TNNT3: variants seen among roughly 807,000 people sequenced by gnomAD.
The protein encoded by TNNT3 is troponin T3, fast skeletal type.
Under a neutral mutation model 54.2 loss-of-function variants are expected in TNNT3, and 36 were observed. The observed-to-expected ratio is 0.66, with a 90% CI of 0.51 to 0.88. The LOEUF (loss-of-function observed/expected upper bound fraction) is 0.88. Among genes scored for constraint, TNNT3 ranks in the 40% least tolerant of loss-of-function variants. The probability of loss-of-function intolerance (pLI) is 0.00; values close to 1 mark genes in which losing one functional copy is unlikely to be tolerated. For synonymous variants in TNNT3, 120 were observed against 109.7 expected, an observed-to-expected ratio of 1.09 and a Z score of -0.59; for missense variants, 291 against 331.6, an observed-to-expected ratio of 0.88 and a Z score of 0.95.
At chr11:1,938,363 C>T (rs900847309) in intron 15 of TNNT3, 75 bp from the exon 16 acceptor site, 23 of 1,536,548 alleles carry the variant, frequency 1.5e-5, no homozygotes, top group East Asian at 4.5e-5. Flanking sequence ...GCTGAGAGTC[C>T]GCCCAGGGTG....
chr11:1,929,024 G>T (rs777389255), intron 6 of TNNT3, 96 bp from the exon 7 acceptor site: 3 of 1,408,334 alleles, frequency 2.1e-6, no homozygotes, highest in Non-Finnish European at 3.0e-6. Context: ...AGAGGGGTGG[G>T]CCCCTTGCCC....
intron 7 of TNNT3, 140 bp from the exon 8 acceptor site, chr11:1,929,670 G>A (rs970961115): frequency 7.7e-6 from 7 of 904,910 alleles, no homozygotes; most frequent in Non-Finnish European, 1.2e-5. Flanking sequence ...TGGGGGTTGG[G>A]GGTACTCCCA....
At chr11:1,936,103 C>G in intron 14 of TNNT3, 1 of 1,235,312 alleles carries the variant, frequency 8.1e-7, no homozygotes, top group East Asian at 2.4e-5. Context: ...CCACAGCGGG[C>G]CCCCAGGGGC....
intron 8 of TNNT3, among the ~76,000 whole-genome samples, chr11:1,930,908 C>T (rs935848646): frequency 1.3e-5 from 2 of 151,994 alleles, no homozygotes; most frequent in Admixed American, 6.5e-5. Flanking sequence ...GAAGAAAAAA[C>T]GTCATCTATA....
intron 5 of TNNT3, among the ~76,000 whole-genome samples, chr11:1,926,287 G>T (rs1399635157): frequency 2.0e-5 from 3 of 152,216 alleles, no homozygotes; most frequent in African/African-American, 4.8e-5. Context: ...AGGGTTTGGG[G>T]ACATGGGACT....
intron 6 of TNNT3, 185 bp from the exon 7 acceptor site, chr11:1,928,935 A>C (rs1326646103): frequency 3.7e-5 from 21 of 572,042 alleles, no homozygotes; most frequent in Non-Finnish European, 4.2e-5. Flanking sequence ...CCCCCTCCCC[A>C]GGCATTGATT....
At chr11:1,930,011 C>A (rs1852897537) in intron 8 of TNNT3, among the ~76,000 whole-genome samples, 183 bp downstream of exon 8, 1 of 152,144 alleles carries the variant, frequency 6.6e-6, no homozygotes, top group Non-Finnish European at 1.5e-5. Context: ...GAGGAGAGGG[C>A]CAGGGCCAGA....
At chr11:1,930,637 G>A (rs962797071) in intron 8 of TNNT3, among the ~76,000 whole-genome samples, 12 of 152,166 alleles carry the variant, frequency 7.9e-5, no homozygotes, top group African/African-American at 2.9e-4. Flanking sequence ...TGCTCTGTGC[G>A]AAGTGGAATC....
chr11:1,930,975 T>C (rs1338154281), intron 8 of TNNT3, among the ~76,000 whole-genome samples: 1 of 152,194 alleles, frequency 6.6e-6, no homozygotes, highest in Non-Finnish European at 1.5e-5. Context: ...TAAAAAGCCT[T>C]ATTTCTTCCT....
Position 1,934,626 on chromosome 11 carries a change from C to A in TNNT3, c.561C>A (p.Asn187Lys). 6.2e-7 allele frequency: 1 copy of A among 1,609,474 alleles called. No individual in the cohort carries two copies. The highest frequency in any genetic ancestry group is 1.7e-4 in the Middle Eastern group (1 of 6,060). ...TGGCTGAGAGACGCAAGCCGCTCAA[C>A]ATCGATCACCTTGGTGAAGACAAAC... is the stretch of plus-strand genomic sequence containing the variant. ...KILAERRKPL[N>K]IDHLGEDKLR... The change falls in exon 13 of 16, where the codon AAC (asparagine) becomes AAA (lysine). Residue 187 changes from asparagine to lysine, a missense_variant. Coordinates refer to ENST00000278317, the MANE Select transcript of TNNT3 (RefSeq NM_006757.4).
chr11:1,923,036 C>T lies in TNNT3; in HGVS notation c.18-12C>T, dbSNP rs759413464. 13 of 1,613,936 alleles carry T rather than the reference C, an allele frequency of 8.1e-6. No individual in the cohort carries two copies. The highest frequency in any genetic ancestry group is 1.7e-6 in the Non-Finnish European group (2 of 1,180,002). Reference sequence around the variant, plus strand: ...CTCTCTCTTTCTTTCTCTCTCTCTCCCTGCCCCACAGTGAACAGGTGGAGG... The same window carrying T: ...CTCTCTCTTTCTTTCTCTCTCTCTCTCTGCCCCACAGTGAACAGGTGGAGG... On this transcript the variant is annotated splice_polypyrimidine_tract_variant and intron_variant, in intron 2 of 15. Coordinates refer to ENST00000278317, the MANE Select transcript of TNNT3 (RefSeq NM_006757.4).
At chr11:1,923,208 A>G in intron 3 of TNNT3, 147 bp downstream of exon 3, 1 of 1,176,014 alleles carries the variant, frequency 8.5e-7, no homozygotes, top group South Asian at 1.2e-5. Context: ...TGACCCCCGG[A>G]AAACAGCTGT....
chr11:1,930,953 A>G (rs1229280731), intron 8 of TNNT3, among the ~76,000 whole-genome samples: 2 of 152,238 alleles, frequency 1.3e-5, no homozygotes, highest in South Asian at 2.1e-4. Context: ...TGTGGAAAAG[A>G]GCAGAAAGAA....
At chr11:1,926,626 C>A (rs200196019) in intron 5 of TNNT3, 69 bp from the exon 6 acceptor site, 2 of 1,610,516 alleles carry the variant, frequency 1.2e-6, no homozygotes, top group Admixed American at 3.3e-5. Context: ...CTCCTCTCTG[C>A]GCTGCCACCA....
At position 1,934,621 on chromosome 11, in the gene TNNT3, C is replaced by T; in HGVS notation, c.556C>T (p.Leu186Phe). The change falls in exon 13 of 16, where the codon CTC (leucine) becomes TTC (phenylalanine). Residue 186 changes from leucine (L) to phenylalanine (F), a missense_variant. By Grantham distance (22) the Leu-to-Phe change is conservative (BLOSUM62 0). Transcript: ENST00000278317. ...KKILAERRKPLNIDHLGEDKL... is the reference protein window; with the variant it reads ...KKILAERRKPFNIDHLGEDKL... ...GATTCTGGCTGAGAGACGCAAGCCG[C>T]TCAACATCGATCACCTTGGTGAAGA... 1 of 1,609,688 alleles carries T rather than the reference C, an allele frequency of 6.2e-7. No homozygotes were observed. Among genetic ancestry groups the T allele is most frequent in the South Asian group, 1.1e-5 (1 of 90,708 alleles).
At chr11:1,927,984 C>T (rs1306467719) in intron 6 of TNNT3, 2 of 152,318 alleles carry the variant, frequency 1.3e-5, no homozygotes, top group East Asian at 3.9e-4. Flanking sequence ...ACCTGCAAAA[C>T]CAAGAGCGCT....
At chr11:1,935,031 G>A (rs1854558098) in intron 14 of TNNT3, 112 bp downstream of exon 14, 2 of 1,042,178 alleles carry the variant, frequency 1.9e-6, no homozygotes, top group Non-Finnish European at 3.0e-6. Flanking sequence ...CAGGGACCTG[G>A]ACCCTGAGAG....
intron 14 of TNNT3, 57 bp from the exon 15 acceptor site, chr11:1,936,906 A>G (rs978736892): frequency 2.6e-6 from 4 of 1,556,778 alleles, no homozygotes; most frequent in African/African-American, 1.4e-5. Flanking sequence ...GCCTTCACCC[A>G]GTACACGCAG....
chr11:1,937,753 G>A (rs966384776), intron 15 of TNNT3, among the ~76,000 whole-genome samples: 7 of 152,318 alleles, frequency 4.6e-5, no homozygotes, highest in African/African-American at 1.7e-4. Flanking sequence ...CGTGGTGCAC[G>A]TGACCTCACG....
Sources: gnomAD v4.1 joint callset for allele counts (sites outside exome capture counted in the v4.1 genomes callset) on GRCh38, gnomAD v4.1.1 for gene constraint, MANE v1.5 for transcripts, NCBI Gene and HGNC (gene_info 2026-07-23, HGNC 2026-07-21) for gene names.